The following WDR93 variants were observed in gnomAD, a reference collection of about 807,000 sequenced individuals.
The protein encoded by WDR93 is WD repeat-containing protein 93.
WDR93 carries 73 observed loss-of-function variants against 82.9 expected under a neutral mutation model. The ratio of observed to expected loss-of-function variants is 0.88; its 90% CI spans 0.73 to 1.07. The LOEUF (loss-of-function observed/expected upper bound fraction) is 1.07, where lower values mean the gene tolerates loss of function less well. WDR93 is among the 50% of genes least tolerant of loss of function. WDR93 has a pLI of 0.00. For missense variants in WDR93, 738 were observed against 826.0 expected (o/e 0.89, Z 1.31); for synonymous variants, 283 against 300.1 (o/e 0.94, Z 0.59).
chr15:89,692,454 T>C (rs1964942063), intron 1 of WDR93, among the ~76,000 whole-genome samples: 1 of 152,196 alleles, frequency 6.6e-6, no homozygotes, highest in South Asian at 2.1e-4. Context: ...TGAGAATTTA[T>C]TGAGTCCTGG....
At chr15:89,735,596 T>C in intron 14 of WDR93, 43 bp downstream of exon 14, 2 of 1,582,596 alleles carry the variant, frequency 1.3e-6, no homozygotes, top group Non-Finnish European at 1.7e-6. Flanking sequence ...ATGCCTCTCA[T>C]TTCTCTTCTG....
At chr15:89,737,448 C>G (rs1402546205) in intron 14 of WDR93, 125 bp from the exon 15 acceptor site, 2 of 1,306,530 alleles carry the variant, frequency 1.5e-6, no homozygotes, top group Non-Finnish European at 2.1e-6. Flanking sequence ...GATCCAGAGG[C>G]TGGGGCCCAA....
rs114097341 is a variant in WDR93 at position 89,734,083 on chromosome 15, G to A, written c.1544+864G>A. 6.9e-3 allele frequency among the ~76,000 whole-genome samples: 1,043 copies of A among 152,188 alleles called. 9 individuals carry two copies. The highest frequency in any genetic ancestry group is 0.023 in the African/African-American group (964 of 41,494). ...GAGATCAACTCCCCTGAAACCGTTG[G>A]AAATCGATAATCTCCAGTTCCATTT... On this transcript the variant is annotated intron_variant, in intron 13 of 16. Transcript: ENST00000268130.
chr15:89,719,046 C>G (rs1395624521), intron 7 of WDR93, among the ~76,000 whole-genome samples: 1 of 152,034 alleles, frequency 6.6e-6, no homozygotes, highest in African/African-American at 2.4e-5. Flanking sequence ...TTCTTATAAA[C>G]TTGCATTTTT....
chr15:89,739,115 CAAAA>C (rs763514909), intron 16 of WDR93, among the ~76,000 whole-genome samples: 13 of 127,202 alleles, frequency 1.0e-4, no homozygotes, highest in Admixed American at 2.5e-4. Context: ...GACCCTGCCT[CAAAA>C]AAAAAAAAAA....
At chr15:89,695,605 G>A (rs940375286) in intron 1 of WDR93, among the ~76,000 whole-genome samples, 5 of 152,044 alleles carry the variant, frequency 3.3e-5, no homozygotes, top group Non-Finnish European at 7.4e-5. Flanking sequence ...GTTTGTTATT[G>A]CCAGTACATA....
intron 4 of WDR93, among the ~76,000 whole-genome samples, chr15:89,711,255 A>G (rs1344012009): frequency 6.6e-6 from 1 of 152,236 alleles, no homozygotes; most frequent in Non-Finnish European, 1.5e-5. Flanking sequence ...GATGCAATCA[A>G]TCCAGTTCAC....
At position 89,732,991 on chromosome 15, in the gene WDR93, G is replaced by T; in HGVS notation, c.1331-15G>T. On this transcript the variant is annotated splice_polypyrimidine_tract_variant and intron_variant, in intron 12 of 16. Coordinates refer to ENST00000268130, the MANE Select transcript of WDR93 (RefSeq NM_020212.2). ...ACCCCGTTTTCTGACCGGCTTGTGTGATTACTTTCTCTAGGATTCCCTCTT... is the reference window on the plus strand; with the variant it reads ...ACCCCGTTTTCTGACCGGCTTGTGTTATTACTTTCTCTAGGATTCCCTCTT... 6.2e-7 allele frequency: 1 copy of T among 1,613,350 alleles called. No individual in the cohort carries two copies. The highest frequency in any genetic ancestry group is 8.5e-7 in the Non-Finnish European group (1 of 1,179,472).
At chr15:89,703,280 G>T in intron 3 of WDR93, 138 bp downstream of exon 3, 1 of 858,860 alleles carries the variant, frequency 1.2e-6, no homozygotes. Context: ...TATATGTACA[G>T]AACAGGTATG....
Position 89,716,903 on chromosome 15 carries a change from C to A in WDR93, c.757-8C>A. ...TATTGTGAATTAATTTCTCATTTTT[C>A]TTCTCAGAACTCCCTTGGTCCCATT... is the stretch of plus-strand genomic sequence containing the variant. On this transcript the variant is annotated splice_region_variant and splice_polypyrimidine_tract_variant and intron_variant, in intron 6 of 16. Coordinates refer to ENST00000268130, the MANE Select transcript of WDR93 (RefSeq NM_020212.2). 3 of 1,559,852 alleles carry A rather than the reference C, an allele frequency of 1.9e-6. No individual in the cohort carries two copies. The highest frequency in any genetic ancestry group is 2.6e-6 in the Non-Finnish European group (3 of 1,149,310).
At chr15:89,717,900 T>G (rs1158182438) in intron 7 of WDR93, among the ~76,000 whole-genome samples, 1 of 152,216 alleles carries the variant, frequency 6.6e-6, no homozygotes, top group Non-Finnish European at 1.5e-5. Flanking sequence ...GCAGTTTCCC[T>G]GGAGCTTCCT....
intron 7 of WDR93, 102 bp downstream of exon 7, chr15:89,717,051 T>TC (rs1444360770): frequency 1.1e-5 from 7 of 655,720 alleles, no homozygotes; most frequent in South Asian, 3.5e-5. Context: ...CTTTCTTTTT[T>TC]TTTTTTTTTT....
chr15:89,714,915 A>G, intron 5 of WDR93, 65 bp from the exon 6 acceptor site: 1 of 1,407,534 alleles, frequency 7.1e-7, no homozygotes, highest in African/African-American at 1.4e-5. Context: ...AAGACAGGCC[A>G]TTTCTCAGAG....
intron 1 of WDR93, among the ~76,000 whole-genome samples, chr15:89,701,143 T>C (rs1327793673): frequency 6.6e-6 from 1 of 152,216 alleles, no homozygotes; most frequent in African/African-American, 2.4e-5. Context: ...CAATTCTTTT[T>C]TTAATGTCTC....
intron 1 of WDR93, among the ~76,000 whole-genome samples, chr15:89,699,738 A>G (rs770242941): frequency 9.9e-5 from 15 of 151,992 alleles, no homozygotes; most frequent in Non-Finnish European, 2.9e-5. Context: ...TGAAATCTTC[A>G]TGTTAATCTA....
chr15:89,690,445 C>G (rs1388635038), upstream of WDR93: 1 of 652,266 alleles, frequency 1.5e-6, no homozygotes, highest in Non-Finnish European at 2.6e-6. Flanking sequence ...AAACTCCCTC[C>G]GTAGGAGCTG....
chr15:89,696,023 C>T (rs554592403), intron 1 of WDR93, among the ~76,000 whole-genome samples: 4 of 151,972 alleles, frequency 2.6e-5, no homozygotes, highest in African/African-American at 9.7e-5. Flanking sequence ...TGCCATGTTG[C>T]CCAGGCTGGT....
rs569877300 is a variant in WDR93 at position 89,729,681 on chromosome 15, A to G, written c.1124-2A>G. On this transcript the variant is annotated splice_acceptor_variant, in intron 10 of 16. Coordinates refer to ENST00000268130, the MANE Select transcript of WDR93 (RefSeq NM_020212.2). LOFTEE classifies it high-confidence loss of function. The stretch of plus-strand genomic sequence containing the variant: ...TCTGTCTTTCCCCCGCCCCCCCACC[A>G]GGAATGGCCTGTGTCCTTGGTATAC... 1.3e-6 allele frequency: 2 copies of G among 1,573,314 alleles called. No individual in the cohort carries two copies. Among genetic ancestry groups the G allele is most frequent in the South Asian group, 2.2e-5 (2 of 90,406 alleles).
chr15:89,718,542 G>A (rs1201103716), intron 7 of WDR93, among the ~76,000 whole-genome samples: 1 of 152,078 alleles, frequency 6.6e-6, no homozygotes, highest in Non-Finnish European at 1.5e-5. Flanking sequence ...GTGGGTGGAT[G>A]GCTTGAGCCC....
Sources: gnomAD v4.1 joint callset for allele counts (sites outside exome capture counted in the v4.1 genomes callset) on GRCh38, gnomAD v4.1.1 for gene constraint, MANE v1.5 for transcripts, NCBI Gene and HGNC (gene_info 2026-07-23, HGNC 2026-07-21) for gene names.